Variants in EGFR observed in about 807,000 individuals in gnomAD.
EGFR encodes the protein avian erythroblastic leukemia viral (v-erb-b) oncogene homolog.
Under a neutral mutation model 143.0 loss-of-function variants are expected in EGFR, and 58 were observed. The observed-to-expected ratio is 0.41, with a 90% CI of 0.33 to 0.50. The LOEUF is 0.50. Among genes scored for constraint, EGFR ranks in the 20% least tolerant of loss-of-function variants. EGFR has a pLI of 0.39. For synonymous variants in EGFR, 613 were observed against 594.4 expected (o/e 1.03, Z -0.45); for missense variants, 1,307 against 1,579.0 (o/e 0.83, Z 2.92).
intron 5 of EGFR, among the ~76,000 whole-genome samples, chr7:55,151,901 A>G (rs974536001): frequency 3.5e-4 from 53 of 152,012 alleles, no homozygotes; most frequent in African/African-American, 1.2e-3. Context: ...AACAACAACA[A>G]TAAGTGAACA....
At chr7:55,062,538 C>G (rs2128879674) in intron 1 of EGFR, among the ~76,000 whole-genome samples, 1 of 152,284 alleles carries the variant, frequency 6.6e-6, no homozygotes. Flanking sequence ...CATTGCTGCT[C>G]ATCTGCATGG....
At chr7:55,106,592 AC>A (rs1485183999) in intron 1 of EGFR, among the ~76,000 whole-genome samples, 2 of 152,216 alleles carry the variant, frequency 1.3e-5, no homozygotes, top group African/African-American at 2.4e-5. Context: ...TGTGCACTCC[AC>A]AATCCACAGG....
intron 1 of EGFR, among the ~76,000 whole-genome samples, chr7:55,057,758 C>T (rs958418542): frequency 1.3e-5 from 2 of 152,170 alleles, no homozygotes; most frequent in African/African-American, 4.8e-5. Context: ...TACATTCTGA[C>T]AGCTCATTAT....
chr7:55,025,325 G>A (rs1223688036), intron 1 of EGFR, among the ~76,000 whole-genome samples: 7 of 152,172 alleles, frequency 4.6e-5, no homozygotes, highest in Non-Finnish European at 4.4e-5. Flanking sequence ...AGGGGACTCC[G>A]GGGCTGATCA....
chr7:55,026,927 G>A (rs1304853556), intron 1 of EGFR, among the ~76,000 whole-genome samples: 5 of 152,028 alleles, frequency 3.3e-5, no homozygotes, highest in African/African-American at 9.7e-5. Context: ...GCCCAGCATG[G>A]CAGCAGCACC....
intron 1 of EGFR, among the ~76,000 whole-genome samples, chr7:55,125,298 T>A (rs1291201218): frequency 6.6e-6 from 1 of 152,252 alleles, no homozygotes; most frequent in African/African-American, 2.4e-5. Flanking sequence ...GAAAACTAAT[T>A]ATTAGTCATA....
intron 1 of EGFR, among the ~76,000 whole-genome samples, chr7:55,033,284 A>T (rs931720482): frequency 5.3e-5 from 8 of 152,148 alleles, no homozygotes; most frequent in African/African-American, 1.9e-4. Context: ...AAATCTTAAG[A>T]CCTGCCTTGT....
chr7:55,109,544 A>G (rs1792338598), intron 1 of EGFR, among the ~76,000 whole-genome samples: 2 of 152,264 alleles, frequency 1.3e-5, no homozygotes, highest in Admixed American at 1.3e-4. Flanking sequence ...CCAGCGACCA[A>G]GCAGAAAGCA....
intron 1 of EGFR, among the ~76,000 whole-genome samples, chr7:55,044,733 G>C (rs75495934): frequency 0.014 from 2,072 of 152,318 alleles, 55 homozygotes; most frequent in African/African-American, 0.048. Context: ...CGCATAACTC[G>C]TGTGTCCTAA....
At chr7:55,020,923 TC>T (rs1786530050) in intron 1 of EGFR, among the ~76,000 whole-genome samples, 1 of 151,612 alleles carries the variant, frequency 6.6e-6, no homozygotes, top group Non-Finnish European at 1.5e-5. Context: ...AGTGTCTGGC[TC>T]CCGCCCCCAG....
At chr7:55,060,513 C>A (rs754779728) in intron 1 of EGFR, among the ~76,000 whole-genome samples, 1 of 152,104 alleles carries the variant, frequency 6.6e-6, no homozygotes, top group Non-Finnish European at 1.5e-5. Context: ...TTTTTCCTAG[C>A]ATCTTTTCCT....
chr7:55,042,708 G>A (rs375503667), intron 1 of EGFR, among the ~76,000 whole-genome samples: 1 of 151,976 alleles, frequency 6.6e-6, no homozygotes, highest in East Asian at 1.9e-4. Context: ...AACATATAGG[G>A]GAATCAAAAG....
chr7:55,151,602 G>GC (rs1785154751), intron 5 of EGFR, among the ~76,000 whole-genome samples: 1 of 152,194 alleles, frequency 6.6e-6, no homozygotes, highest in Non-Finnish European at 1.5e-5. Context: ...GGGGCTGGGC[G>GC]CGGTGGCTCA....
rs370210300 is a variant in EGFR, at chr7:55,192,757, C to G, written c.2626-9C>G. On this transcript the variant is annotated splice_polypyrimidine_tract_variant and intron_variant, in intron 21 of 27. Transcript: ENST00000275493. Reference sequence around the variant, plus strand: ...GTTGTCTCACTGCCTCATCTCTCACCATCCCAAGGTGCCTATCAAGTGGAT... The same window carrying G: ...GTTGTCTCACTGCCTCATCTCTCACGATCCCAAGGTGCCTATCAAGTGGAT... 1 of 1,613,442 alleles carries G rather than the reference C, an allele frequency of 6.2e-7. No homozygotes were observed. The highest frequency in any genetic ancestry group is 8.5e-7 in the Non-Finnish European group (1 of 1,179,522).
At chr7:55,109,984 GA>G in intron 1 of EGFR, 4 of 981,702 alleles carry the variant, frequency 4.1e-6, no homozygotes, top group Non-Finnish European at 4.8e-6. Flanking sequence ...AGGAGGCACA[GA>G]AAGAAAAATG....
intron 1 of EGFR, among the ~76,000 whole-genome samples, chr7:55,113,938 T>C (rs1022697785): frequency 6.6e-5 from 10 of 152,300 alleles, no homozygotes; most frequent in Admixed American, 4.6e-4. Flanking sequence ...GACACTCTGA[T>C]GGGCACGGCC....
intron 1 of EGFR, among the ~76,000 whole-genome samples, chr7:55,041,516 A>G (rs541282164): frequency 6.6e-6 from 1 of 152,342 alleles, no homozygotes; most frequent in South Asian, 2.1e-4. Flanking sequence ...GACACCAGAT[A>G]AATACATTGA....
At chr7:55,175,687 G>A (rs1289558029) in intron 19 of EGFR, among the ~76,000 whole-genome samples, 1 of 152,186 alleles carries the variant, frequency 6.6e-6, no homozygotes, top group Non-Finnish European at 1.5e-5. Flanking sequence ...CAAAACTCTA[G>A]AGAATTTAGT....
intron 3 of EGFR, 69 bp downstream of exon 3, chr7:55,143,557 G>C (rs2128927750): frequency 6.4e-7 from 1 of 1,563,520 alleles, no homozygotes; most frequent in South Asian, 1.1e-5. Context: ...CTCCCAGCGA[G>C]CTTGTCACTC....
Sources: allele counts gnomAD v4.1 joint callset (sites outside exome capture counted in the v4.1 genomes callset), GRCh38; gene constraint gnomAD v4.1.1; transcripts MANE v1.5; gene names NCBI Gene and HGNC (gene_info 2026-07-23, HGNC 2026-07-21).